The following KCNK10 variants were observed in gnomAD, a reference collection of about 807,000 sequenced individuals.
KCNK10 encodes the protein potassium channel subfamily K member 10.
A neutral mutation model predicts 47.7 loss-of-function variants in KCNK10; 25 were observed. That is an observed-to-expected ratio of 0.52 (90% CI 0.38 to 0.73). KCNK10 has a LOEUF of 0.73. Ranked by LOEUF, KCNK10 falls within the 30% of genes least tolerant of loss-of-function variation. The pLI is 0.00. For synonymous variants in KCNK10, 303 were observed against 285.6 expected (o/e 1.06, Z -0.61); for missense variants, 563 against 714.5 (o/e 0.79, Z 2.42).
chr14:88,293,908 G>A (rs754341195), intron 1 of KCNK10, among the ~76,000 whole-genome samples: 6 of 151,990 alleles, frequency 3.9e-5, no homozygotes, highest in Non-Finnish European at 7.4e-5. Flanking sequence ...CTAACTCCTG[G>A]CCACAAGCGA....
intron 1 of KCNK10, among the ~76,000 whole-genome samples, chr14:88,307,508 T>C (rs1888228632): frequency 6.6e-6 from 1 of 152,242 alleles, no homozygotes; most frequent in South Asian, 2.1e-4. Context: ...TTTGGAGTCA[T>C]GAAAATTTTC....
chr14:88,223,703 C>T (rs144596404), intron 4 of KCNK10, among the ~76,000 whole-genome samples: 322 of 152,230 alleles, frequency 2.1e-3, no homozygotes, highest in African/African-American at 6.9e-3. Flanking sequence ...CTGTAAAAGG[C>T]GTTTTTGTTT....
intron 1 of KCNK10, among the ~76,000 whole-genome samples, chr14:88,309,885 G>C (rs1290390976): frequency 1.3e-5 from 2 of 151,914 alleles, no homozygotes; most frequent in East Asian, 3.9e-4. Flanking sequence ...CAAATGAAAA[G>C]TTGCTTTCAG....
chr14:88,248,807 A>G (rs1595104165), intron 2 of KCNK10, among the ~76,000 whole-genome samples: 1 of 152,146 alleles, frequency 6.6e-6, no homozygotes, highest in Non-Finnish European at 1.5e-5. Context: ...CTCCCTGAGC[A>G]TAGTTTGATA....
At position 88,218,546 on chromosome 14, in the gene KCNK10, G is replaced by A. The variant is rs1231129989; in HGVS notation, c.681+8829C>T. On this transcript the variant is annotated intron_variant, in intron 4 of 6. Transcript: ENST00000319231. ...AACATTTCTGCCATATCCTTGGGGC[G>A]GGGGGAAAGCCAAAAAAAGAAAAAG... Among the ~76,000 whole-genome samples the A allele has an allele frequency of 7.3e-5, 11 of 151,246 alleles. No individual in the cohort carries two copies. The East Asian group carries it at 1.2e-3, about 16-fold the overall frequency.
chr14:88,281,969 T>C (rs1420319444), intron 1 of KCNK10, among the ~76,000 whole-genome samples: 1 of 151,914 alleles, frequency 6.6e-6, no homozygotes, highest in African/African-American at 2.4e-5. Flanking sequence ...TTCTTTACTA[T>C]TGATGAACCA....
chr14:88,218,956 C>G (rs1021092076), intron 4 of KCNK10, among the ~76,000 whole-genome samples: 1 of 152,168 alleles, frequency 6.6e-6, no homozygotes, highest in African/African-American at 2.4e-5. Flanking sequence ...ATTCTAAACT[C>G]CACATTGGTT....
intron 1 of KCNK10, among the ~76,000 whole-genome samples, chr14:88,316,901 G>C (rs1476583709): frequency 6.6e-6 from 1 of 152,164 alleles, no homozygotes; most frequent in Non-Finnish European, 1.5e-5. Context: ...TCCTAATGAG[G>C]GGAAAGACTA....
At position 88,186,197 on chromosome 14, in the gene KCNK10, C is replaced by T; in HGVS notation, c.1012-42G>A. On this transcript the variant is annotated intron_variant, in intron 6 of 6. Coordinates refer to ENST00000319231, the MANE Select transcript of KCNK10 (RefSeq NM_138317.3). This position sits in a 1 kb window ranked among gnomAD's most constrained non-coding sequence, Gnocchi z 5.5. ...AGAGCAACAATATGCTGACAAATGC[C>T]TCCCTGCCTTGGCCTCCCAGCACCC... is the stretch of plus-strand genomic sequence containing the variant. 1 of 1,530,748 alleles carries T rather than the reference C, an allele frequency of 6.5e-7. No homozygotes were observed. The highest frequency in any genetic ancestry group is 8.8e-7 in the Non-Finnish European group (1 of 1,137,920). The allele number at this position is 1,530,748 out of a possible 1,614,324, so 94.8% of individuals were successfully genotyped here. A position where few individuals can be genotyped will look rare whatever the true frequency, so the allele number is the denominator to read the frequency against.
Position 88,192,249 on chromosome 14 carries a change from C to G in KCNK10, c.843G>C (p.Thr281=). 1 of 1,613,404 alleles carries G rather than the reference C, an allele frequency of 6.2e-7. No individual in the cohort carries two copies. The highest frequency in any genetic ancestry group is 8.5e-7 in the Non-Finnish European group (1 of 1,179,668). Residue 281 remains threonine, a synonymous_variant, in exon 5 of 7, where the codon ACG becomes ACC. Transcript: ENST00000319231. ...SIYFVVVTLT[T]VGFGDFVAGG... Reference sequence around the variant, plus strand: ...CTGCCACAAAATCACCAAAGCCCACCGTGGTCAGAGTGACCACCACAAAGT... The same window carrying G: ...CTGCCACAAAATCACCAAAGCCCACGGTGGTCAGAGTGACCACCACAAAGT...
chr14:88,276,939 C>T (rs978192922), intron 1 of KCNK10, among the ~76,000 whole-genome samples: 2 of 152,238 alleles, frequency 1.3e-5, no homozygotes, highest in Admixed American at 6.5e-5. Context: ...GCAAGATAGA[C>T]GTGTACTTTA....
intron 3 of KCNK10, among the ~76,000 whole-genome samples, chr14:88,236,820 A>C (rs556126924): frequency 2.0e-5 from 3 of 152,322 alleles, no homozygotes; most frequent in East Asian, 3.9e-4. Context: ...CAAAAATTCT[A>C]ATAATAATCT....
intron 1 of KCNK10, among the ~76,000 whole-genome samples, chr14:88,315,583 T>G (rs999740529): frequency 1.3e-5 from 2 of 152,170 alleles, no homozygotes; most frequent in Admixed American, 1.3e-4. Flanking sequence ...GTGTGATTAT[T>G]TAGGGGATCT....
intron 5 of KCNK10, 43 bp from the exon 6 acceptor site, chr14:88,188,152 G>A (rs776779061): frequency 1.2e-6 from 2 of 1,603,016 alleles, no homozygotes; most frequent in East Asian, 2.2e-5. Flanking sequence ...TCTAGCATAT[G>A]GTCTTTGCAG....
chr14:88,289,579 C>G (rs1390064763), intron 1 of KCNK10, among the ~76,000 whole-genome samples: 1 of 152,206 alleles, frequency 6.6e-6, no homozygotes, highest in Non-Finnish European at 1.5e-5. Context: ...GTGATCTGCT[C>G]CTCTTAAGCT....
chr14:88,256,714 T>C (rs1041694112), intron 2 of KCNK10, among the ~76,000 whole-genome samples: 1 of 152,186 alleles, frequency 6.6e-6, no homozygotes, highest in Non-Finnish European at 1.5e-5. Context: ...CCAAGAGTCA[T>C]TTCAGACACC....
chr14:88,206,259 G>A (rs1392871153), intron 4 of KCNK10, among the ~76,000 whole-genome samples: 1 of 152,176 alleles, frequency 6.6e-6, no homozygotes, highest in African/African-American at 2.4e-5. Flanking sequence ...TTGTTAGGGT[G>A]TTTGCGGTTG....
intron 4 of KCNK10, among the ~76,000 whole-genome samples, chr14:88,216,103 G>C (rs1885610847): frequency 6.6e-6 from 1 of 152,174 alleles, no homozygotes; most frequent in Admixed American, 6.5e-5. Context: ...ACTCATCAGA[G>C]TCAAGTCTCC....
chr14:88,187,626 C>CAA, intron 6 of KCNK10, among the ~76,000 whole-genome samples: 2 of 141,152 alleles, frequency 1.4e-5, no homozygotes, highest in Middle Eastern at 6.9e-3. Context: ...ACAGGCTGCA[C>CAA]CCCCCCACAC....
Sources: gnomAD v4.1 joint callset for allele counts (sites outside exome capture counted in the v4.1 genomes callset) on GRCh38, gnomAD v4.1.1 for gene constraint, Gnocchi (gnomAD v3.1) non-coding constraint, MANE v1.5 for transcripts, NCBI Gene and HGNC (gene_info 2026-07-23, HGNC 2026-07-21) for gene names.